The following GALNS variants were observed in gnomAD, a reference collection of about 807,000 sequenced individuals.
The protein encoded by GALNS is galactosamine (N-acetyl)-6-sulfatase.
In GALNS, 65 loss-of-function variants were observed where a neutral mutation model predicts 65.9. The ratio of observed to expected loss-of-function variants is 0.99; its 90% CI spans 0.81 to 1.21. The LOEUF (loss-of-function observed/expected upper bound fraction) is 1.21. Among genes scored for constraint, GALNS ranks in the 50% most tolerant of loss-of-function variants. GALNS has a pLI of 0.00. For synonymous variants in GALNS, 346 were observed against 288.9 expected (o/e 1.20, Z -2.00); for missense variants, 776 against 700.7 (o/e 1.11, Z -1.21).
chr16:88,835,146 G>T (rs564782335), intron 8 of GALNS, 67 bp downstream of exon 8: 26 of 1,545,476 alleles, frequency 1.7e-5, no homozygotes, highest in Non-Finnish European at 2.1e-5. Context: ...GGGCACAGCC[G>T]GTCCAGGCAC....
At chr16:88,818,365 A>G (rs1909856933) in intron 12 of GALNS, among the ~76,000 whole-genome samples, 1 of 152,222 alleles carries the variant, frequency 6.6e-6, no homozygotes, top group African/African-American at 2.4e-5. Context: ...TCAGCAGGCC[A>G]AGCCCTGGCA....
chr16:88,843,002 G>A lies in GALNS; in HGVS notation c.121-173C>T, dbSNP rs74035857. On this transcript the variant is annotated intron_variant, in intron 1 of 13. Coordinates refer to ENST00000268695, the MANE Select transcript of GALNS (RefSeq NM_000512.5). The stretch of plus-strand genomic sequence containing the variant: ...CCCAGCATCGCCTGCGTGCGTGCAC[G>A]ATGGGGCCGCTCCACGCCAGCCCAA... 3,774 of 1,509,422 alleles carry A rather than the reference G, an allele frequency of 2.5e-3. 75 individuals are homozygous for A. The African/African-American group carries it at 0.047, about 19-fold the overall frequency. 93.5% of individuals were successfully genotyped at this position (1,509,422 alleles called of 1,614,324 possible). A position where few individuals can be genotyped will look rare whatever the true frequency, so the allele number is the denominator to read the frequency against.
intron 7 of GALNS, 111 bp downstream of exon 7, chr16:88,835,614 C>T: frequency 6.5e-7 from 1 of 1,538,792 alleles, no homozygotes. Flanking sequence ...TGGGGTTGCT[C>T]TGGCCTTTCC....
At chr16:88,815,212 G>A (rs1909498240) in intron 13 of GALNS, 2 of 985,346 alleles carry the variant, frequency 2.0e-6, no homozygotes, top group Non-Finnish European at 2.4e-6. Context: ...TGCCATTGGA[G>A]AAATGAGAAC....
rs1340253302 is a variant in GALNS at position 88,841,823 on chromosome 16, C to T, written c.319+74G>A. ...CAGCTTGCCACCCGAGTCCCGGAGA[C>T]ACGGGCACCACCCGTAGCCCACCTG... On this transcript the variant is annotated intron_variant, in intron 3 of 13. Coordinates refer to ENST00000268695, the MANE Select transcript of GALNS (RefSeq NM_000512.5). 3.6e-5 allele frequency: 48 copies of T among 1,343,676 alleles called. No homozygotes were observed. The South Asian group carries it at 5.8e-4, about 16-fold the overall frequency. 83.2% of individuals were successfully genotyped at this position (1,343,676 alleles called of 1,614,324 possible). A position where few individuals can be genotyped will look rare whatever the true frequency, so the allele number is the denominator to read the frequency against.
intron 4 of GALNS, among the ~76,000 whole-genome samples, chr16:88,838,321 G>GAC (rs1912357693): frequency 6.6e-6 from 1 of 152,180 alleles, no homozygotes; most frequent in African/African-American, 2.4e-5. Context: ...GAGCCCCGGG[G>GAC]CCTGCCAGCT....
At chr16:88,833,411 T>C (rs1404720816) in intron 8 of GALNS, among the ~76,000 whole-genome samples, 2 of 138,892 alleles carry the variant, frequency 1.4e-5, no homozygotes, top group Non-Finnish European at 3.1e-5. Context: ...CTGTGCTTCT[T>C]CTCCTTCCCT....
chr16:88,828,585 C>T (rs1911165229), intron 9 of GALNS, among the ~76,000 whole-genome samples: 1 of 152,214 alleles, frequency 6.6e-6, no homozygotes, highest in African/African-American at 2.4e-5. Context: ...CTTTGTGGCC[C>T]ACGGGAAAAG....
chr16:88,852,340 T>G (rs943436011), intron 1 of GALNS, among the ~76,000 whole-genome samples: 3 of 152,024 alleles, frequency 2.0e-5, no homozygotes, highest in African/African-American at 7.3e-5. Flanking sequence ...AGCATCAACA[T>G]CAACAAAAAG....
intron 12 of GALNS, among the ~76,000 whole-genome samples, chr16:88,818,646 C>T (rs1000501046): frequency 3.3e-5 from 5 of 152,200 alleles, no homozygotes; most frequent in South Asian, 4.1e-4. Flanking sequence ...TTACACGGCT[C>T]GACGAGGTGC....
At chr16:88,835,091 T>G in intron 8 of GALNS, 122 bp downstream of exon 8, 1 of 1,299,840 alleles carries the variant, frequency 7.7e-7, no homozygotes, top group Non-Finnish European at 1.1e-6. Context: ...CTCCTCCCGC[T>G]GGACCCAGAG....
intron 12 of GALNS, among the ~76,000 whole-genome samples, chr16:88,819,554 T>G (rs952983748): frequency 2.0e-5 from 3 of 152,232 alleles, no homozygotes; most frequent in African/African-American, 7.2e-5. Context: ...ATTTATTTTT[T>G]AGAGACAGGA....
At chr16:88,846,379 C>G (rs1967242511) in intron 1 of GALNS, among the ~76,000 whole-genome samples, 1 of 152,144 alleles carries the variant, frequency 6.6e-6, no homozygotes, top group African/African-American at 2.4e-5. Flanking sequence ...GCCATGGGCT[C>G]CGGACGGCTG....
intron 1 of GALNS, among the ~76,000 whole-genome samples, chr16:88,847,514 C>CCCA (rs1313311329): frequency 2.6e-5 from 4 of 152,222 alleles, no homozygotes; most frequent in Non-Finnish European, 4.4e-5. Context: ...AGGGCTGTGC[C>CCCA]TGGAGGCCGA....
chr16:88,841,057 G>C lies in GALNS; in HGVS notation c.357C>G (p.Asp119Glu). 6.2e-7 allele frequency: 1 copy of C among 1,613,282 alleles called. No homozygotes were observed. The highest frequency in any genetic ancestry group is 2.2e-5 in the East Asian group (1 of 44,878). Residue 119 changes from aspartate (D) to glutamate (E), a missense_variant, in exon 4 of 14, where the codon GAC (aspartate) becomes GAG (glutamate). Asp to Glu is a conservative substitution (Grantham distance 45, BLOSUM62 2). Transcript: ENST00000268695. Reference protein sequence around the residue: ...TPQEIVGGIPDSEQLLPELLK... With the variant: ...TPQEIVGGIPESEQLLPELLK... The stretch of plus-strand genomic sequence containing the variant: ...GAAGCTCCGGCAGGAGCTGCTCCGA[G>C]TCTGGGATGCCGCCCACAATCTCCT...
intron 1 of GALNS, chr16:88,843,172 G>T (rs756363078): frequency 1.4e-6 from 2 of 1,383,556 alleles, no homozygotes; most frequent in African/African-American, 2.9e-5. Context: ...CTGCATGCTC[G>T]CAGGAGCTGG....
At position 88,837,592 on chromosome 16, in the gene GALNS, G is replaced by A. The variant is rs200659210; in HGVS notation, c.566+30C>T. 2.6e-4 allele frequency: 411 copies of A among 1,610,060 alleles called. 2 individuals carry two copies. The African/African-American group carries it at 4.4e-3, about 17-fold the overall frequency. On this transcript the variant is annotated intron_variant, in intron 5 of 13. Transcript: ENST00000268695. ...CACGCCGGGCACAGCAGTTCAGGACGTGGGAGGGGAAGGGGTGGGGCTCCA... is the reference window on the plus strand; with the variant it reads ...CACGCCGGGCACAGCAGTTCAGGACATGGGAGGGGAAGGGGTGGGGCTCCA...
At chr16:88,829,358 AG>A (rs1911255448) in intron 9 of GALNS, among the ~76,000 whole-genome samples, 1 of 152,174 alleles carries the variant, frequency 6.6e-6, no homozygotes, top group African/African-American at 2.4e-5. Context: ...ACCACAAAGG[AG>A]GCCGTGCCCA....
At chr16:88,853,016 T>C (rs913343232) in intron 1 of GALNS, among the ~76,000 whole-genome samples, 2 of 151,882 alleles carry the variant, frequency 1.3e-5, no homozygotes, top group Non-Finnish European at 2.9e-5. Flanking sequence ...TTTGGGAGGC[T>C]GAGGCAGGCA....
Sources: gnomAD v4.1 joint callset for allele counts (sites outside exome capture counted in the v4.1 genomes callset) on GRCh38, gnomAD v4.1.1 for gene constraint, MANE v1.5 for transcripts, NCBI Gene and HGNC (gene_info 2026-07-23, HGNC 2026-07-21) for gene names.